Variants in CCR6 observed in about 807,000 individuals in gnomAD.
CCR6 encodes C-C chemokine receptor type 6.
A neutral mutation model predicts 3.0 loss-of-function variants in CCR6; 2 were observed. The ratio of observed to expected loss-of-function variants is 0.66; its 90% CI spans 0.27 to 2.07. The LOEUF (loss-of-function observed/expected upper bound fraction) is 2.07. Ranked by LOEUF, CCR6 falls within the 30% of genes most tolerant of loss-of-function variation. The pLI is 0.14. For missense variants in CCR6, 322 were observed against 462.8 expected (o/e 0.70, Z 2.79); for synonymous variants, 193 against 184.3 (o/e 1.05, Z -0.38).
Position 167,136,809 on chromosome 6 carries a change from C to T in CCR6, c.579C>T (p.Gly193=). The part of the protein sequence containing the change: ...FVFNQKYNTQ[G]SDVCEPKYQT... ...TCAACCAAAAATACAACACCCAAGG[C>T]AGCGATGTCTGTGAACCCAAGTACC... Residue 193 remains glycine, a synonymous_variant, in exon 3 of 3, where the codon GGC becomes GGT. Coordinates refer to ENST00000341935, the MANE Select transcript of CCR6 (RefSeq NM_031409.4). This position sits in a 1 kb window ranked among gnomAD's most constrained non-coding sequence, Gnocchi z 4.6. The T allele has an allele frequency of 6.2e-7, 1 of 1,614,096 alleles. No individual in the cohort carries two copies. Among genetic ancestry groups the T allele is most frequent in the Non-Finnish European group, 8.5e-7 (1 of 1,180,050 alleles).
Position 167,136,564 on chromosome 6 carries a change from G to A in CCR6, c.334G>A (p.Val112Ile). The change falls in exon 3 of 3, where the codon GTT (valine) becomes ATT (isoleucine). Residue 112 changes from valine (V) to isoleucine (I), a missense_variant. Transcript: ENST00000341935. The surrounding 1 kb of genome is among the most constrained non-coding windows in gnomAD (Gnocchi z 4.6). ...WAVSHATGAW[V>I]FSNATCKLLK... ...AGTGAGTCATGCCACCGGTGCGTGG[G>A]TTTTCAGCAATGCCACGTGCAAGTT... 2 of 1,606,034 alleles carry A rather than the reference G, an allele frequency of 1.2e-6. No individual in the cohort carries two copies. The highest frequency in any genetic ancestry group is 1.7e-6 in the Non-Finnish European group (2 of 1,175,022).
At chr6:167,118,560 C>T (rs548019403), upstream of CCR6, among the ~76,000 whole-genome samples, 18 of 152,220 alleles carry the variant, frequency 1.2e-4, no homozygotes, top group South Asian at 1.0e-3. Context: ...ATTTCTGTCC[C>T]GATGTAAAAT....
At chr6:167,124,983 T>G (rs1028755159) in intron 1 of CCR6, among the ~76,000 whole-genome samples, 2 of 152,144 alleles carry the variant, frequency 1.3e-5, no homozygotes, top group African/African-American at 4.8e-5. Flanking sequence ...TACACACATG[T>G]GCACACCTAT....
upstream of CCR6, among the ~76,000 whole-genome samples, chr6:167,121,949 C>T (rs1334657789): frequency 1.3e-5 from 2 of 152,174 alleles, no homozygotes; most frequent in South Asian, 2.1e-4. Context: ...CCTGGACAAA[C>T]CCGGGAAAAT....
intron 1 of CCR6, chr6:167,114,885 GAC>G (rs1781470550): frequency 6.6e-6 from 1 of 152,234 alleles, no homozygotes; most frequent in Non-Finnish European, 1.5e-5. Context: ...GGAGGTTTTA[GAC>G]ACATAAATCT....
chr6:167,136,779 T>C lies in CCR6; in HGVS notation c.549T>C (p.Phe183=), dbSNP rs1781856340. 2 of 1,614,022 alleles carry C rather than the reference T, an allele frequency of 1.2e-6. No individual in the cohort carries two copies. Among genetic ancestry groups the C allele is most frequent in the African/African-American group, 1.3e-5 (1 of 75,048 alleles). The change falls in exon 3 of 3, where the codon TTT becomes TTC. Residue 183 remains phenylalanine (F), a synonymous_variant. Transcript: ENST00000341935. The surrounding 1 kb of genome is among the most constrained non-coding windows in gnomAD (Gnocchi z 4.6). Reference sequence around the variant, plus strand: ...CAGTCATCATCTCCAGCTCAACTTTTGTCTTCAACCAAAAATACAACACCC... The same window carrying C: ...CAGTCATCATCTCCAGCTCAACTTTCGTCTTCAACCAAAAATACAACACCC... ...GLSVIISSST[F]VFNQKYNTQG...
intron 1 of CCR6, among the ~76,000 whole-genome samples, chr6:167,117,410 T>C (rs1262235610): frequency 7.5e-6 from 1 of 132,724 alleles, no homozygotes; most frequent in East Asian, 2.1e-4. Flanking sequence ...TTTCTTTTTT[T>C]TTTTCTTTTT....
chr6:167,112,023 T>G (rs929561803), intron 1 of CCR6: 1 of 152,340 alleles, frequency 6.6e-6, no homozygotes, highest in African/African-American at 2.4e-5. Flanking sequence ...TGGTAAGTTT[T>G]TTTTTTGTCT....
chr6:167,135,697 A>C (rs960251757), intron 1 of CCR6, among the ~76,000 whole-genome samples: 2 of 152,204 alleles, frequency 1.3e-5, no homozygotes, highest in African/African-American at 4.8e-5. Flanking sequence ...TTCTGAGAGC[A>C]CCTTATTTAA....
intron 1 of CCR6, among the ~76,000 whole-genome samples, chr6:167,126,830 T>G (rs1781675693): frequency 6.6e-6 from 1 of 152,204 alleles, no homozygotes; most frequent in South Asian, 2.1e-4. Context: ...TCACGGGATC[T>G]GATGGTTTTA....
At chr6:167,117,141 T>A (rs1781506415) in intron 1 of CCR6, 1 of 152,156 alleles carries the variant, frequency 6.6e-6, no homozygotes, top group Non-Finnish European at 1.5e-5. Flanking sequence ...AGATGGAAAG[T>A]GTCCAAGAAT....
chr6:167,136,451 A>G lies in CCR6; in HGVS notation c.221A>G (p.Tyr74Cys), dbSNP rs1410791754. The G allele has an allele frequency of 6.2e-7, 1 of 1,608,658 alleles. No individual in the cohort carries two copies. Among genetic ancestry groups the G allele is most frequent in the Admixed American group, 1.7e-5 (1 of 59,156 alleles). Residue 74 changes from tyrosine (Y) to cysteine (C), a missense_variant, in exon 3 of 3, where the codon TAT becomes TGT. Transcript: ENST00000341935. The surrounding 1 kb of genome is among the most constrained non-coding windows in gnomAD (Gnocchi z 4.6). ...NILVVITFAF[Y>C]KKARSMTDVY... Reference sequence around the variant, plus strand: ...CTGGTGGTGATCACCTTTGCTTTTTATAAGAAGGCCAGGTCTATGACAGAC... The same window carrying G: ...CTGGTGGTGATCACCTTTGCTTTTTGTAAGAAGGCCAGGTCTATGACAGAC...
upstream of CCR6, among the ~76,000 whole-genome samples, chr6:167,121,924 G>T (rs1781594409): frequency 6.6e-6 from 1 of 152,196 alleles, no homozygotes; most frequent in Non-Finnish European, 1.5e-5. Context: ...GGCCAGCAGA[G>T]TCTTTGGAGG....
Position 167,136,223 on chromosome 6 carries a change from CTT to C in CCR6, c.10-15_10-14del. The C allele has an allele frequency of 6.2e-7, 1 of 1,606,852 alleles. No individual in the cohort carries two copies. The highest frequency in any genetic ancestry group is 8.5e-7 in the Non-Finnish European group (1 of 1,175,746). On this transcript the variant is annotated splice_polypyrimidine_tract_variant and intron_variant, in intron 2 of 2. Transcript: ENST00000341935. The surrounding 1 kb of genome is among the most constrained non-coding windows in gnomAD (Gnocchi z 4.6). ...AACACTACACTGCAGCTAACTCTATCTTTGTTTCCTTTCCAGGAATCAATGAA... is the reference window on the plus strand; with the variant it reads ...AACACTACACTGCAGCTAACTCTATCTGTTTCCTTTCCAGGAATCAATGAA...
intron 1 of CCR6, among the ~76,000 whole-genome samples, chr6:167,114,577 C>T (rs1781465178): frequency 6.6e-6 from 1 of 152,226 alleles, no homozygotes; most frequent in South Asian, 2.1e-4. Context: ...GCCTAAATTT[C>T]AAACCCTGGC....
rs201679638 is a variant in CCR6 at position 167,136,812 on chromosome 6, C to T, written c.582C>T (p.Ser194=). 1.4e-5 allele frequency: 22 copies of T among 1,613,970 alleles called. No individual in the cohort carries two copies. In the Admixed American group the frequency reaches 2.0e-4, roughly 15 times the overall value. ...VFNQKYNTQG[S]DVCEPKYQTV... ...ACCAAAAATACAACACCCAAGGCAGCGATGTCTGTGAACCCAAGTACCAGA... is the reference window on the plus strand; with the variant it reads ...ACCAAAAATACAACACCCAAGGCAGTGATGTCTGTGAACCCAAGTACCAGA... The change falls in exon 3 of 3, where the codon AGC becomes AGT. Residue 194 remains serine (S), a synonymous_variant. Coordinates refer to ENST00000341935, the MANE Select transcript of CCR6 (RefSeq NM_031409.4). The surrounding 1 kb of genome is among the most constrained non-coding windows in gnomAD (Gnocchi z 4.6).
At chr6:167,120,755 A>G (rs1192046231), upstream of CCR6, 1 of 152,270 alleles carries the variant, frequency 6.6e-6, no homozygotes, top group Non-Finnish European at 1.5e-5. Context: ...ACTGTAAGCC[A>G]CATTCCTCGC....
At chr6:167,127,986 G>A (rs1045083740) in intron 1 of CCR6, among the ~76,000 whole-genome samples, 10 of 152,200 alleles carry the variant, frequency 6.6e-5, no homozygotes, top group African/African-American at 2.2e-4. Context: ...GCTTCTCAGG[G>A]CAACCACATG....
At chr6:167,122,032 G>A (rs1781596732), upstream of CCR6, among the ~76,000 whole-genome samples, 1 of 152,100 alleles carries the variant, frequency 6.6e-6, no homozygotes, top group African/African-American at 2.4e-5. The surrounding 1 kb of genome is among the most constrained non-coding windows in gnomAD (Gnocchi z 4.2). Flanking sequence ...TAAGGGGTGC[G>A]CTCCAGCTTC....
Sources: gnomAD v4.1 joint callset for allele counts (sites outside exome capture counted in the v4.1 genomes callset) on GRCh38, gnomAD v4.1.1 for gene constraint, Gnocchi (gnomAD v3.1) non-coding constraint, MANE v1.5 for transcripts, NCBI Gene and HGNC (gene_info 2026-07-23, HGNC 2026-07-21) for gene names.